The following ATP8A1 variants were observed in gnomAD, a reference collection of about 807,000 sequenced individuals.
ATP8A1 encodes ATPase phospholipid transporting 8A1, also known as phospholipid-transporting ATPase IA.
A neutral mutation model predicts 177.7 loss-of-function variants in ATP8A1; 90 were observed. That is an observed-to-expected ratio of 0.51 (90% CI 0.43 to 0.60). The LOEUF (loss-of-function observed/expected upper bound fraction) is 0.60. Ranked by LOEUF, ATP8A1 falls within the 20% of genes least tolerant of loss-of-function variation. The probability of loss-of-function intolerance (pLI) is 0.00; values close to 1 mark genes in which losing one functional copy is unlikely to be tolerated. For missense variants in ATP8A1, 1,072 were observed against 1,392.8 expected (o/e 0.77, Z 3.67); for synonymous variants, 493 against 485.9 (o/e 1.01, Z -0.19).
chr4:42,562,735 C>T (rs1035313468), intron 15 of ATP8A1, among the ~76,000 whole-genome samples: 2 of 152,138 alleles, frequency 1.3e-5, no homozygotes, highest in African/African-American at 4.8e-5. Flanking sequence ...CTTTCCTGTG[C>T]TGTTCTCGTG....
Position 42,552,501 on chromosome 4 carries a change from G to T in ATP8A1, c.1519+4C>A. On this transcript the variant is annotated splice_donor_region_variant and intron_variant, in intron 17 of 36. Transcript: ENST00000381668. ...ACAATACTTTACAATTGCTTCATTTGTACCTGGAGATGCTGCTTGATAAAT... is the reference window on the plus strand; with the variant it reads ...ACAATACTTTACAATTGCTTCATTTTTACCTGGAGATGCTGCTTGATAAAT... The T allele has an allele frequency of 6.2e-7, 1 of 1,600,768 alleles. No individual in the cohort carries two copies.
At chr4:42,521,021 A>T (rs1726071366) in intron 22 of ATP8A1, among the ~76,000 whole-genome samples, 1 of 152,184 alleles carries the variant, frequency 6.6e-6, no homozygotes, top group African/African-American at 2.4e-5. Flanking sequence ...AGAGGGGGGA[A>T]ATAGTCCAGG....
At chr4:42,483,126 C>T (rs1560375625) in intron 25 of ATP8A1, among the ~76,000 whole-genome samples, 1 of 152,104 alleles carries the variant, frequency 6.6e-6, no homozygotes, top group African/African-American at 2.4e-5. Flanking sequence ...GGGATAGAAG[C>T]ATTATCATGG....
intron 5 of ATP8A1, among the ~76,000 whole-genome samples, chr4:42,612,892 C>T (rs995191059): frequency 3.9e-5 from 6 of 152,058 alleles, no homozygotes; most frequent in Admixed American, 3.9e-4. Flanking sequence ...AATATTCATT[C>T]CTCTGTGAAT....
chr4:42,439,555 G>T (rs762658821), intron 33 of ATP8A1, among the ~76,000 whole-genome samples: 2 of 152,196 alleles, frequency 1.3e-5, no homozygotes, highest in Non-Finnish European at 2.9e-5. Flanking sequence ...GCACCATTAG[G>T]TCTGAGTGAA....
At chr4:42,483,736 G>A (rs535993298) in intron 25 of ATP8A1, among the ~76,000 whole-genome samples, 2 of 152,134 alleles carry the variant, frequency 1.3e-5, no homozygotes, top group Non-Finnish European at 2.9e-5. Flanking sequence ...ATGGTGGGAG[G>A]TACTGTGTTA....
At chr4:42,604,063 G>A (rs186358302) in intron 5 of ATP8A1, among the ~76,000 whole-genome samples, 1 of 152,260 alleles carries the variant, frequency 6.6e-6, no homozygotes, top group African/African-American at 2.4e-5. Context: ...TATGCCCTCT[G>A]TAGTGAGCGC....
chr4:42,587,769 G>C (rs1479374789), intron 8 of ATP8A1, among the ~76,000 whole-genome samples: 2 of 151,800 alleles, frequency 1.3e-5, no homozygotes, highest in Non-Finnish European at 2.9e-5. Context: ...ACCATGCCCG[G>C]CTAATTTTTT....
intron 24 of ATP8A1, among the ~76,000 whole-genome samples, chr4:42,490,617 G>A (rs1358877023): frequency 4.6e-5 from 7 of 152,112 alleles, no homozygotes; most frequent in Admixed American, 1.3e-4. Context: ...TAGTTCTTGA[G>A]CTGGGGTAAC....
intron 8 of ATP8A1, among the ~76,000 whole-genome samples, chr4:42,586,733 G>C (rs891907059): frequency 6.6e-6 from 1 of 152,164 alleles, no homozygotes; most frequent in African/African-American, 2.4e-5. Flanking sequence ...AGTCTACAAA[G>C]ATAATTTGAA....
chr4:42,481,980 A>G (rs1386296320), intron 25 of ATP8A1, among the ~76,000 whole-genome samples: 1 of 152,160 alleles, frequency 6.6e-6, no homozygotes, highest in Non-Finnish European at 1.5e-5. Flanking sequence ...TCACAATGTT[A>G]AAAACAGAAG....
intron 5 of ATP8A1, among the ~76,000 whole-genome samples, chr4:42,607,829 A>G (rs1261051177): frequency 1.4e-5 from 2 of 146,660 alleles, no homozygotes; most frequent in African/African-American, 2.5e-5. Flanking sequence ...CCTCCAATAT[A>G]TGGAAAGCGT....
Position 42,657,033 on chromosome 4 carries a change from A to G in ATP8A1, c.-160T>C. 1.5e-6 allele frequency: 1 copy of G among 663,384 alleles called. No homozygotes were observed. Among genetic ancestry groups the G allele is most frequent in the Non-Finnish European group, 2.1e-6 (1 of 468,608 alleles). 41.1% of individuals were successfully genotyped at this position (663,384 alleles called of 1,614,324 possible). On this transcript the variant is annotated 5_prime_UTR_variant, in exon 1 of 37. Transcript: ENST00000381668. ...AGCTGCCGCCGGGCGCGGCCCCCGCACGCCGACAGGAGGAGGAGAAAGGCA... is the reference window on the plus strand; with the variant it reads ...AGCTGCCGCCGGGCGCGGCCCCCGCGCGCCGACAGGAGGAGGAGAAAGGCA...
In ATP8A1 at chr4:42,446,637, T is replaced by G. The variant is rs139505439; in HGVS notation, c.2904A>C (p.Ala968=). 7 of 1,613,530 alleles carry G rather than the reference T, an allele frequency of 4.3e-6. No homozygotes were observed. The Admixed American group carries it at 8.3e-5, about 19-fold the overall frequency. The change falls in exon 31 of 37, where the codon GCA becomes GCC. Residue 968 remains alanine (A), a synonymous_variant. Transcript: ENST00000381668. ...FPLKALQYGT[A]FGNGKTSDYL... ...AATCCGAGGTTTTCCCATTTCCAAA[T>G]GCAGTACCTGTACGAAAAGGAGAGG...
intron 5 of ATP8A1, among the ~76,000 whole-genome samples, chr4:42,614,587 A>T (rs1216729924): frequency 3.3e-5 from 5 of 152,014 alleles, no homozygotes; most frequent in Non-Finnish European, 1.5e-5. Flanking sequence ...TTTAACCCAC[A>T]TGTTCGGCCT....
At chr4:42,467,567 C>T (rs1256534285) in intron 25 of ATP8A1, among the ~76,000 whole-genome samples, 2 of 152,260 alleles carry the variant, frequency 1.3e-5, no homozygotes, top group Admixed American at 6.5e-5. Flanking sequence ...GGGGCGCGTG[C>T]CTGTAGTCCC....
chr4:42,502,160 T>C (rs1241471634), intron 24 of ATP8A1, among the ~76,000 whole-genome samples: 1 of 152,074 alleles, frequency 6.6e-6, no homozygotes, highest in Non-Finnish European at 1.5e-5. Flanking sequence ...TGAAAAAGAA[T>C]GATAAACCAG....
chr4:42,619,687 T>C (rs993137130), intron 4 of ATP8A1, among the ~76,000 whole-genome samples: 33 of 152,022 alleles, frequency 2.2e-4, no homozygotes, highest in African/African-American at 7.0e-4. Flanking sequence ...TAATAGAATA[T>C]AGGAAAGTTT....
At chr4:42,435,461 A>AAAAAAACAAAAAAAAC (rs1553871738) in intron 33 of ATP8A1, among the ~76,000 whole-genome samples, 1 of 122,346 alleles carries the variant, frequency 8.2e-6, no homozygotes, top group Non-Finnish European at 1.8e-5. Context: ...AAAAAAAAAA[A>AAAAAAACAAAAAAAAC]AACAAACTAT....
Sources: allele counts gnomAD v4.1 joint callset (sites outside exome capture counted in the v4.1 genomes callset), GRCh38; gene constraint gnomAD v4.1.1; transcripts MANE v1.5; gene names NCBI Gene and HGNC (gene_info 2026-07-23, HGNC 2026-07-21).